AK5: variants seen among roughly 807,000 people sequenced by gnomAD.
AK5 encodes the protein adenylate kinase isoenzyme 5.
AK5 carries 27 observed loss-of-function variants against 69.5 expected under a neutral mutation model. The observed-to-expected ratio is 0.39, with a 90% CI of 0.29 to 0.54. The LOEUF is 0.54. Ranked by LOEUF, AK5 falls within the 20% of genes least tolerant of loss-of-function variation. AK5 has a pLI of 0.71. For synonymous variants in AK5, 260 were observed against 244.4 expected (o/e 1.06, Z -0.60); for missense variants, 531 against 700.4 (o/e 0.76, Z 2.73).
intron 7 of AK5, among the ~76,000 whole-genome samples, chr1:77,414,705 C>CG (rs1216259266): frequency 6.6e-6 from 1 of 152,120 alleles, no homozygotes; most frequent in Non-Finnish European, 1.5e-5. Flanking sequence ...AAATTCAAAA[C>CG]GGGGAAAATG....
At chr1:77,498,453 G>A (rs540003194) in intron 10 of AK5, among the ~76,000 whole-genome samples, 24 of 152,302 alleles carry the variant, frequency 1.6e-4, no homozygotes, top group African/African-American at 5.5e-4. Context: ...TTTATAAAGA[G>A]GGAGGCATTA....
At chr1:77,505,786 C>T (rs1307351686) in intron 10 of AK5, among the ~76,000 whole-genome samples, 1 of 151,756 alleles carries the variant, frequency 6.6e-6, no homozygotes, top group South Asian at 2.1e-4. Flanking sequence ...ATCTCAGCTA[C>T]TCAGGAGGCT....
rs117676126 is a variant in AK5, at chr1:77,392,573, T to C, written c.892-18408T>C. Among the ~76,000 whole-genome samples, 90 of 152,342 alleles carry C rather than the reference T, an allele frequency of 5.9e-4. 2 individuals are homozygous for C. The East Asian group carries it at 0.016, about 27-fold the overall frequency. On this transcript the variant is annotated intron_variant, in intron 6 of 13. Coordinates refer to ENST00000354567, the MANE Select transcript of AK5 (RefSeq NM_174858.3). ...AAGAGAGAACCTATATTGGTTTCTC[T>C]TCCGTGTGTGCCCAGGGAGTTGTGT...
rs10658959 is a variant in AK5, at chr1:77,351,927, C to CTTTT, written c.891+11372_891+11375dup. On this transcript the variant is annotated intron_variant, in intron 6 of 13. Transcript: ENST00000354567. Reference sequence around the variant, plus strand: ...ACGTAAAATACATCTGCAAGTAATTCTTTTTTTTTTTTTTTTCTTGAGATG... The same window carrying CTTTT: ...ACGTAAAATACATCTGCAAGTAATTCTTTTTTTTTTTTTTTTTTTTCTTGAGATG... 5.8e-5 allele frequency among the ~76,000 whole-genome samples: 8 copies of CTTTT among 138,168 alleles called. 1 individual carries two copies. The highest frequency in any genetic ancestry group is 7.6e-5 in the Non-Finnish European group (5 of 65,604). 90.6% of individuals were successfully genotyped at this position (138,168 alleles called of 152,430 possible).
At chr1:77,486,694 C>CT (rs1655625139) in intron 10 of AK5, among the ~76,000 whole-genome samples, 2 of 88,722 alleles carry the variant, frequency 2.3e-5, no homozygotes, top group Admixed American at 2.4e-4. Flanking sequence ...AAGACTCTGT[C>CT]AAAAAAAAAA....
At chr1:77,518,751 A>G (rs752107748) in intron 11 of AK5, 24 bp downstream of exon 11, 4 of 1,610,684 alleles carry the variant, frequency 2.5e-6, no homozygotes, top group Non-Finnish European at 2.5e-6. Flanking sequence ...CCTGACCCAC[A>G]TTACTGCCTT....
chr1:77,497,717 A>T (rs1656431436), intron 10 of AK5, among the ~76,000 whole-genome samples: 1 of 152,052 alleles, frequency 6.6e-6, no homozygotes, highest in Non-Finnish European at 1.5e-5. Flanking sequence ...CCCCCGGAGT[A>T]GCTGAGACTA....
intron 6 of AK5, among the ~76,000 whole-genome samples, chr1:77,378,868 G>A (rs7546116): frequency 0.25 from 37,318 of 152,036 alleles, 4,673 homozygotes; most frequent in Middle Eastern, 0.41. Flanking sequence ...GCAAACTGCC[G>A]TCAGTCTGAA....
intron 13 of AK5, among the ~76,000 whole-genome samples, chr1:77,544,429 G>C (rs1259646920): frequency 6.6e-6 from 1 of 151,706 alleles, no homozygotes; most frequent in Admixed American, 6.6e-5. Context: ...TTTCACTTTT[G>C]ACCGTTTCAT....
At chr1:77,542,897 C>T (rs1370786399) in intron 13 of AK5, among the ~76,000 whole-genome samples, 1 of 152,106 alleles carries the variant, frequency 6.6e-6, no homozygotes. Flanking sequence ...GCGTTATTTG[C>T]TACTCTTAAC....
chr1:77,544,688 T>A (rs747417524), intron 13 of AK5, among the ~76,000 whole-genome samples: 11 of 152,176 alleles, frequency 7.2e-5, no homozygotes, highest in Non-Finnish European at 1.5e-4. Flanking sequence ...GGCAGTAACA[T>A]GCATGGAGCT....
At chr1:77,412,325 A>G (rs1340872090) in intron 7 of AK5, among the ~76,000 whole-genome samples, 1 of 152,118 alleles carries the variant, frequency 6.6e-6, no homozygotes, top group Non-Finnish European at 1.5e-5. Flanking sequence ...TCCCCTTGGT[A>G]AAGTGCATAG....
At chr1:77,283,602 A>G in intron 1 of AK5, 1 of 985,436 alleles carries the variant, frequency 1.0e-6, no homozygotes. Flanking sequence ...TCTGAAGTCA[A>G]GATTTCCAGG....
At position 77,350,626 on chromosome 1, in the gene AK5, G is replaced by A. The variant is rs1462332528; in HGVS notation, c.891+10058G>A. ...CAAGGTTTTACTTCTCCATATGGCA[G>A]ATCGGCAACCATCTGGCACGGATGG... On this transcript the variant is annotated intron_variant, in intron 6 of 13. Transcript: ENST00000354567. Among the ~76,000 whole-genome samples, 5 of 152,212 alleles carry A rather than the reference G, an allele frequency of 3.3e-5. No individual in the cohort carries two copies. In the South Asian group the frequency reaches 8.3e-4, roughly 25 times the overall value.
intron 6 of AK5, among the ~76,000 whole-genome samples, chr1:77,358,536 A>G (rs1392884377): frequency 5.9e-5 from 9 of 152,224 alleles, no homozygotes; most frequent in Admixed American, 5.9e-4. Flanking sequence ...GACCAAGACA[A>G]CTATTGGTCT....
At chr1:77,556,946 C>A (rs975570789) in intron 13 of AK5, among the ~76,000 whole-genome samples, 26 of 152,138 alleles carry the variant, frequency 1.7e-4, no homozygotes, top group African/African-American at 6.0e-4. Flanking sequence ...GCCCGCCCCC[C>A]ACATGACTCA....
chr1:77,485,398 C>A (rs4949803), intron 9 of AK5, among the ~76,000 whole-genome samples: 2 of 151,970 alleles, frequency 1.3e-5, no homozygotes, highest in East Asian at 3.8e-4. Context: ...AATGTGGTAT[C>A]GTGCATATAA....
chr1:77,302,876 T>G (rs1227985571), intron 5 of AK5, among the ~76,000 whole-genome samples: 3 of 152,218 alleles, frequency 2.0e-5, no homozygotes, highest in African/African-American at 7.2e-5. Flanking sequence ...GAACATGACC[T>G]GCCTCCCAAG....
chr1:77,423,234 A>AG (rs1650967862), intron 8 of AK5, among the ~76,000 whole-genome samples: 1 of 148,706 alleles, frequency 6.7e-6, no homozygotes, highest in African/African-American at 2.4e-5. Flanking sequence ...AAAAAAATAA[A>AG]AAAAAAAGAA....
Sources: allele counts gnomAD v4.1 joint callset (sites outside exome capture counted in the v4.1 genomes callset), GRCh38; gene constraint gnomAD v4.1.1; transcripts MANE v1.5; gene names NCBI Gene and HGNC (gene_info 2026-07-23, HGNC 2026-07-21).